The following LCOR variants were observed in gnomAD, a reference collection of about 807,000 sequenced individuals.
LCOR encodes the protein ligand dependent nuclear receptor corepressor.
In LCOR, 14 loss-of-function variants were observed where a neutral mutation model predicts 64.4. That is an observed-to-expected ratio of 0.22 (90% CI 0.14 to 0.34). The LOEUF (loss-of-function observed/expected upper bound fraction) is 0.34. LCOR is among the 10% of genes least tolerant of loss of function. The probability of loss-of-function intolerance (pLI) is 1.00; values close to 1 mark genes in which losing one functional copy is unlikely to be tolerated. For synonymous variants in LCOR, 643 were observed against 642.5 expected, an observed-to-expected ratio of 1.00 and a Z score of -0.01; for missense variants, 1,686 against 1,765.3, an observed-to-expected ratio of 0.96 and a Z score of 0.80.
chr10:96,931,304 G>A (rs780660737), intron 4 of LCOR, among the ~76,000 whole-genome samples: 20 of 151,072 alleles, frequency 1.3e-4, no homozygotes, highest in Non-Finnish European at 2.4e-4. Flanking sequence ...TGTCATCTTG[G>A]TTCACTGCAA....
chr10:96,890,094 GT>G (rs1441580477), intron 2 of LCOR, among the ~76,000 whole-genome samples: 1 of 151,498 alleles, frequency 6.6e-6, no homozygotes, highest in Non-Finnish European at 1.5e-5. Flanking sequence ...TATGCGTGTA[GT>G]TTTTTTGTTT....
Position 96,981,025 on chromosome 10 carries a change from G to A in LCOR, c.565G>A (p.Glu189Lys), listed in dbSNP as rs997032427. ...TGCCCAGCTCAGCACCAAACATAAGGAAAAAGATGCTCTGTGTCTCGATAT... is the reference window on the plus strand; with the variant it reads ...TGCCCAGCTCAGCACCAAACATAAGAAAAAAGATGCTCTGTGTCTCGATAT... ...GCAQLSTKHK[E>K]KDALCLDMKS... is the part of the protein sequence containing the mutation. Residue 189 changes from glutamate (E) to lysine (K), a missense_variant, in exon 8 of 8, where the codon GAA becomes AAA. Around this residue, in one of 3 missense-constraint regions of LCOR, gnomAD observed 313 missense variants for 247.2 expected, o/e 1.27. Transcript: ENST00000421806. The A allele has an allele frequency of 5.7e-6, 4 of 702,892 alleles. No individual in the cohort carries two copies. The highest frequency in any genetic ancestry group is 3.5e-5 in the African/African-American group (2 of 57,228). 43.5% of individuals were successfully genotyped at this position (702,892 alleles called of 1,614,324 possible).
intron 2 of LCOR, among the ~76,000 whole-genome samples, chr10:96,864,600 G>A (rs1454180066): frequency 2.6e-5 from 4 of 152,172 alleles, no homozygotes; most frequent in African/African-American, 7.2e-5. Flanking sequence ...GAAAAGAGAC[G>A]TTGTTCTCTG....
intron 4 of LCOR, among the ~76,000 whole-genome samples, chr10:96,939,430 G>C (rs976253283): frequency 6.6e-6 from 1 of 152,134 alleles, no homozygotes; most frequent in African/African-American, 2.4e-5. Flanking sequence ...AAATCTTCAT[G>C]ACCAAGTTTT....
chr10:96,915,694 T>C, intron 4 of LCOR: 1 of 737,876 alleles, frequency 1.4e-6, no homozygotes, highest in Admixed American at 1.7e-5. Context: ...TCCCATTTTC[T>C]ACAGGGTTAT....
chr10:96,861,705 C>T (rs1278794927), intron 2 of LCOR, among the ~76,000 whole-genome samples: 1 of 151,962 alleles, frequency 6.6e-6, no homozygotes, highest in Admixed American at 6.6e-5. Context: ...GCCATCACAC[C>T]CGGCTAATTT....
At chr10:96,971,466 A>T (rs1291373283) in intron 7 of LCOR, among the ~76,000 whole-genome samples, 1 of 152,182 alleles carries the variant, frequency 6.6e-6, no homozygotes, top group African/African-American at 2.4e-5. Flanking sequence ...CTTGACCTAG[A>T]GGAGGTTCAC....
In LCOR at chr10:96,841,671, T is replaced by C. The variant is rs1353797477; in HGVS notation, c.-330+8192T>C. ...CCACCGCGCCTGGCCAAGACTTTCT[T>C]TTTGGATTAGAAGATGTTGTGAACA... On this transcript the variant is annotated intron_variant, in intron 2 of 7. Transcript: ENST00000421806. 2.0e-5 allele frequency among the ~76,000 whole-genome samples: 3 copies of C among 152,164 alleles called. No individual in the cohort carries two copies. The East Asian group carries it at 5.8e-4, about 29-fold the overall frequency.
At chr10:96,918,108 G>A (rs567698455) in intron 4 of LCOR, among the ~76,000 whole-genome samples, 1 of 152,272 alleles carries the variant, frequency 6.6e-6, no homozygotes, top group East Asian at 1.9e-4. Flanking sequence ...AGTTTCTAAG[G>A]AGTAAAGCAC....
At chr10:96,944,049 C>G in intron 4 of LCOR, 64 bp from the exon 5 acceptor site, 1 of 964,564 alleles carries the variant, frequency 1.0e-6, no homozygotes, top group Non-Finnish European at 1.2e-6. Flanking sequence ...TTGATTTCGT[C>G]TATGCTTTTG....
intron 2 of LCOR, among the ~76,000 whole-genome samples, chr10:96,902,038 T>C (rs762318820): frequency 2.0e-5 from 3 of 152,216 alleles, no homozygotes; most frequent in Non-Finnish European, 4.4e-5. Context: ...TTGTTGTGTA[T>C]TTCTCTACTT....
chr10:96,967,407 C>G (rs1476891292), intron 7 of LCOR, among the ~76,000 whole-genome samples: 1 of 152,202 alleles, frequency 6.6e-6, no homozygotes, highest in East Asian at 1.9e-4. Flanking sequence ...GCTGGGATTA[C>G]AAGTATGAGC....
intron 2 of LCOR, among the ~76,000 whole-genome samples, chr10:96,878,909 A>G (rs1846214559): frequency 6.6e-6 from 1 of 151,654 alleles, no homozygotes. Flanking sequence ...CTTCCCATTC[A>G]CTTCAGCCTC....
At chr10:96,957,022 G>T (rs1367128280) in intron 7 of LCOR, 1 of 985,336 alleles carries the variant, frequency 1.0e-6, no homozygotes, top group Non-Finnish European at 1.2e-6. Flanking sequence ...ATCCATGTTT[G>T]TAGTGAGAGA....
intron 2 of LCOR, among the ~76,000 whole-genome samples, chr10:96,890,772 C>T (rs1360843761): frequency 1.3e-5 from 2 of 152,122 alleles, no homozygotes; most frequent in African/African-American, 4.8e-5. Flanking sequence ...GGACTTTGTC[C>T]AGTGCTTTTC....
chr10:96,934,564 C>T (rs1338226942), intron 4 of LCOR, among the ~76,000 whole-genome samples: 1 of 152,140 alleles, frequency 6.6e-6, no homozygotes, highest in Non-Finnish European at 1.5e-5. Flanking sequence ...AGCAACTCCT[C>T]CTAGGAGATA....
At chr10:96,862,848 T>C (rs1464281082) in intron 2 of LCOR, among the ~76,000 whole-genome samples, 2 of 152,142 alleles carry the variant, frequency 1.3e-5, no homozygotes, top group Non-Finnish European at 2.9e-5. Context: ...GTATCTTTTT[T>C]AAAGTTTAGT....
chr10:96,849,331 C>T (rs1278250610), intron 2 of LCOR, among the ~76,000 whole-genome samples: 3 of 152,022 alleles, frequency 2.0e-5, no homozygotes, highest in Non-Finnish European at 4.4e-5. Context: ...CCTTGGCTTC[C>T]CAAAATGCTG....
chr10:96,983,536 G>T lies in LCOR; in HGVS notation c.3076G>T (p.Ala1026Ser), dbSNP rs7895159. ...TAGTGGAAGTGGTGATGCTGCTAGGGCACCAAAATCGGTGCCAAGGCCTAA... is the reference window on the plus strand; with the variant it reads ...TAGTGGAAGTGGTGATGCTGCTAGGTCACCAAAATCGGTGCCAAGGCCTAA... ...SSSGSGDAAR[A>S]PKSVPRPKRL... The change falls in exon 8 of 8, where the codon GCA becomes TCA. Residue 1026 changes from alanine to serine, a missense_variant. Around this residue, in one of 3 missense-constraint regions of LCOR, gnomAD observed 1,293 missense variants for 1,410.4 expected, o/e 0.92. Transcript: ENST00000421806. This position sits in a 1 kb window ranked among gnomAD's most constrained non-coding sequence, Gnocchi z 4.5. The T allele has an allele frequency of 6.2e-7, 1 of 1,614,076 alleles. No individual in the cohort carries two copies. The highest frequency in any genetic ancestry group is 8.5e-7 in the Non-Finnish European group (1 of 1,180,030).
Sources: gnomAD v4.1 joint callset for allele counts (sites outside exome capture counted in the v4.1 genomes callset) on GRCh38, gnomAD v4.1.1 for gene constraint, gnomAD v4.1.1 regional missense constraint, Gnocchi (gnomAD v3.1) non-coding constraint, MANE v1.5 for transcripts, NCBI Gene and HGNC (gene_info 2026-07-23, HGNC 2026-07-21) for gene names.